The following SHROOM3 variants were observed in gnomAD, a reference collection of about 807,000 sequenced individuals.
The protein encoded by SHROOM3 is shroom family member 3.
Under a neutral mutation model 138.6 loss-of-function variants are expected in SHROOM3, and 47 were observed. That is an observed-to-expected ratio of 0.34 (90% CI 0.27 to 0.43). The LOEUF (loss-of-function observed/expected upper bound fraction) is 0.43. SHROOM3 is among the 20% of genes least tolerant of loss of function. The pLI is 1.00. For synonymous variants in SHROOM3, 1,062 were observed against 1,063.3 expected (o/e 1.00, Z 0.02); for missense variants, 2,491 against 2,596.5 (o/e 0.96, Z 0.88).
intron 2 of SHROOM3, among the ~76,000 whole-genome samples, chr4:76,599,003 T>C (rs945843082): frequency 6.6e-6 from 1 of 151,676 alleles, no homozygotes; most frequent in Non-Finnish European, 1.5e-5. Flanking sequence ...GGAAAGGAAG[T>C]GGTGCATTGA....
At chr4:76,507,539 C>CTTT (rs5859518) in intron 1 of SHROOM3, among the ~76,000 whole-genome samples, 9 of 139,176 alleles carry the variant, frequency 6.5e-5, no homozygotes, top group African/African-American at 1.3e-4. Context: ...TTGTATCTCT[C>CTTT]TTTTTTTTTT....
intron 2 of SHROOM3, among the ~76,000 whole-genome samples, chr4:76,590,133 AAG>A (rs1167993637): frequency 6.6e-6 from 1 of 152,194 alleles, no homozygotes. Context: ...CTGTGACTGA[AAG>A]AGAGAGCATT....
intron 3 of SHROOM3, among the ~76,000 whole-genome samples, chr4:76,724,974 A>G (rs971338895): frequency 6.6e-6 from 1 of 152,300 alleles, no homozygotes; most frequent in Admixed American, 6.5e-5. Flanking sequence ...TTCTTCGCTT[A>G]TTTCATCACT....
At chr4:76,534,603 G>A (rs1435518027) in intron 1 of SHROOM3, among the ~76,000 whole-genome samples, 1 of 152,158 alleles carries the variant, frequency 6.6e-6, no homozygotes, top group Non-Finnish European at 1.5e-5. Flanking sequence ...GAAGAGTGGT[G>A]TCCTGGTTGA....
intron 1 of SHROOM3, among the ~76,000 whole-genome samples, chr4:76,527,806 G>T (rs1461338860): frequency 6.6e-6 from 1 of 152,162 alleles, no homozygotes; most frequent in East Asian, 1.9e-4. Flanking sequence ...GTGGAGACTT[G>T]TTCTTAATAC....
chr4:76,715,220 A>G (rs1720339671), intron 3 of SHROOM3, among the ~76,000 whole-genome samples: 1 of 152,226 alleles, frequency 6.6e-6, no homozygotes, highest in African/African-American at 2.4e-5. Flanking sequence ...TGTGGAGAAA[A>G]TAGCCAGGAA....
At chr4:76,738,253 G>C (rs1315064315) in intron 4 of SHROOM3, among the ~76,000 whole-genome samples, 1 of 152,166 alleles carries the variant, frequency 6.6e-6, no homozygotes, top group African/African-American at 2.4e-5. Context: ...AAGATTGCCA[G>C]GGTGTATCCT....
rs374044966 is a variant in SHROOM3, at chr4:76,741,934, C to G, written c.3753+8C>G. 49 of 1,611,752 alleles carry G rather than the reference C, an allele frequency of 3.0e-5. No homozygotes were observed. The highest frequency in any genetic ancestry group is 4.2e-5 in the Non-Finnish European group (49 of 1,179,722). On this transcript the variant is annotated splice_region_variant and intron_variant, in intron 5 of 10. Coordinates refer to ENST00000296043, the MANE Select transcript of SHROOM3 (RefSeq NM_020859.4). This position sits in a 1 kb window ranked among gnomAD's most constrained non-coding sequence, Gnocchi z 6.2. ...ACCGCAGACAAGCGCCAGGTACGTG[C>G]AACCAGCAAGTCCTGGCCTCGAACT...
chr4:76,598,000 T>C (rs571490269), intron 2 of SHROOM3, among the ~76,000 whole-genome samples: 1 of 151,330 alleles, frequency 6.6e-6, no homozygotes, highest in Non-Finnish European at 1.5e-5. Flanking sequence ...CATCTACTGG[T>C]GAAAGTAGAT....
intron 10 of SHROOM3, among the ~76,000 whole-genome samples, chr4:76,777,156 G>T (rs950249418): frequency 6.6e-6 from 1 of 152,068 alleles, no homozygotes. Flanking sequence ...ATTTTGATGG[G>T]AATTGCATTG....
At chr4:76,693,945 A>G (rs1560593578) in intron 2 of SHROOM3, among the ~76,000 whole-genome samples, 2 of 145,002 alleles carry the variant, frequency 1.4e-5, no homozygotes, top group Admixed American at 1.4e-4. Context: ...TTAACATACT[A>G]TATTCTCTTC....
At chr4:76,632,177 G>T (rs1051227221) in intron 2 of SHROOM3, among the ~76,000 whole-genome samples, 1 of 152,146 alleles carries the variant, frequency 6.6e-6, no homozygotes, top group Non-Finnish European at 1.5e-5. Flanking sequence ...ATCCGGGCAG[G>T]TAATTGTACA....
In SHROOM3 at chr4:76,464,006, A is replaced by G. The variant is rs1273960425; in HGVS notation, c.168+27786A>G. Among the ~76,000 whole-genome samples the G allele has an allele frequency of 5.9e-5, 9 of 152,364 alleles. No individual in the cohort carries two copies. In the South Asian group the frequency reaches 6.2e-4, roughly 11 times the overall value. On this transcript the variant is annotated intron_variant, in intron 1 of 10. Coordinates refer to ENST00000296043, the MANE Select transcript of SHROOM3 (RefSeq NM_020859.4). ...AAATGCGGCATCAGAGTCCCCACAC[A>G]GAGTCCTCACTTGTGCACTGCCCAG...
intron 2 of SHROOM3, among the ~76,000 whole-genome samples, chr4:76,672,997 A>T (rs545194114): frequency 5.9e-5 from 9 of 152,308 alleles, no homozygotes; most frequent in African/African-American, 2.2e-4. Context: ...TCAAAACAAC[A>T]TTTGCTGTTT....
At chr4:76,698,303 C>A (rs943603130) in intron 2 of SHROOM3, among the ~76,000 whole-genome samples, 3 of 152,158 alleles carry the variant, frequency 2.0e-5, no homozygotes, top group African/African-American at 7.2e-5. Context: ...CTTTCTAAGA[C>A]CCAATAATCC....
At chr4:76,485,902 A>G (rs754911424) in intron 1 of SHROOM3, among the ~76,000 whole-genome samples, 11 of 152,236 alleles carry the variant, frequency 7.2e-5, no homozygotes, top group Admixed American at 2.0e-4. Flanking sequence ...TTTGTCCTAC[A>G]TAGTCATATG....
intron 2 of SHROOM3, among the ~76,000 whole-genome samples, chr4:76,607,021 T>C (rs566538787): frequency 6.6e-6 from 1 of 152,198 alleles, no homozygotes; most frequent in East Asian, 1.9e-4. Context: ...GTCATATTTA[T>C]ATGTATGTGT....
At chr4:76,539,717 C>T (rs1241707745) in intron 1 of SHROOM3, among the ~76,000 whole-genome samples, 3 of 152,190 alleles carry the variant, frequency 2.0e-5, no homozygotes. Context: ...AACTTCTAAG[C>T]ATGGGGGCCA....
At chr4:76,612,444 C>T (rs2110061946) in intron 2 of SHROOM3, among the ~76,000 whole-genome samples, 1 of 152,236 alleles carries the variant, frequency 6.6e-6, no homozygotes, top group South Asian at 2.1e-4. Context: ...GAGAATGAAT[C>T]CCAGGGCCCA....
Sources: gnomAD v4.1 joint callset for allele counts (sites outside exome capture counted in the v4.1 genomes callset) on GRCh38, gnomAD v4.1.1 for gene constraint, Gnocchi (gnomAD v3.1) non-coding constraint, MANE v1.5 for transcripts, NCBI Gene and HGNC (gene_info 2026-07-23, HGNC 2026-07-21) for gene names.